RNF145: variants seen among roughly 807,000 people sequenced by gnomAD.
The protein encoded by RNF145 is ring finger protein 145.
A neutral mutation model predicts 57.3 loss-of-function variants in RNF145; 12 were observed. That is an observed-to-expected ratio of 0.21 (90% CI 0.13 to 0.34). RNF145 has a LOEUF of 0.34. Ranked by LOEUF, RNF145 falls within the 10% of genes least tolerant of loss-of-function variation. The probability of loss-of-function intolerance (pLI) is 1.00; values close to 1 mark genes in which losing one functional copy is unlikely to be tolerated. For synonymous variants in RNF145, 262 were observed against 288.3 expected, an observed-to-expected ratio of 0.91 and a Z score of 0.92; for missense variants, 429 against 799.0, an observed-to-expected ratio of 0.54 and a Z score of 5.58.
chr5:159,176,928 A>G, intron 4 of RNF145, 61 bp from the exon 5 acceptor site: 1 of 930,574 alleles, frequency 1.1e-6, no homozygotes, highest in South Asian at 1.6e-5. Context: ...AATAAAAACA[A>G]ACAAAAAACA....
At chr5:159,207,863 C>A (rs375817661) in intron 1 of RNF145, 1 of 1,614,042 alleles carries the variant, frequency 6.2e-7, no homozygotes, top group African/African-American at 1.3e-5. Context: ...ACTTAAGGAA[C>A]AGAGAGAGGA....
chr5:159,189,469 T>C (rs1785208935), intron 3 of RNF145, among the ~76,000 whole-genome samples: 3 of 152,200 alleles, frequency 2.0e-5, no homozygotes, highest in Admixed American at 6.5e-5. Flanking sequence ...GGCAAGAATG[T>C]AGACAAATTG....
intron 6 of RNF145, among the ~76,000 whole-genome samples, chr5:159,171,552 T>G (rs1235335639): frequency 2.6e-5 from 4 of 152,164 alleles, no homozygotes; most frequent in Non-Finnish European, 4.4e-5. Flanking sequence ...GTGAAAGAGT[T>G]TGGAAAATTT....
intron 3 of RNF145, among the ~76,000 whole-genome samples, chr5:159,192,758 G>C (rs564065945): frequency 6.6e-6 from 1 of 152,232 alleles, no homozygotes; most frequent in South Asian, 2.1e-4. Context: ...TCTGGGAAAT[G>C]ACACCCAAGG....
intron 5 of RNF145, among the ~76,000 whole-genome samples, chr5:159,175,915 A>T (rs1377360320): frequency 6.6e-6 from 1 of 152,202 alleles, no homozygotes; most frequent in Non-Finnish European, 1.5e-5. Flanking sequence ...TCTATTTTAT[A>T]TATTACAAAC....
chr5:159,187,268 G>A (rs1785102707), intron 3 of RNF145, among the ~76,000 whole-genome samples: 2 of 151,718 alleles, frequency 1.3e-5, no homozygotes, highest in African/African-American at 4.8e-5. Context: ...GGCAACAAGA[G>A]CAAAACTCCA....
At chr5:159,181,203 G>T (rs1337165295) in intron 4 of RNF145, among the ~76,000 whole-genome samples, 1 of 151,628 alleles carries the variant, frequency 6.6e-6, no homozygotes, top group Non-Finnish European at 1.5e-5. Context: ...GATGTTCCAG[G>T]GTGAGTCAGA....
intron 5 of RNF145, among the ~76,000 whole-genome samples, chr5:159,175,737 T>C (rs1357821475): frequency 6.6e-6 from 1 of 152,112 alleles, no homozygotes; most frequent in Non-Finnish European, 1.5e-5. Flanking sequence ...GCCAAAAGCT[T>C]AGAGAAAGTA....
At chr5:159,191,921 G>A (rs1785302309) in intron 3 of RNF145, among the ~76,000 whole-genome samples, 1 of 151,810 alleles carries the variant, frequency 6.6e-6, no homozygotes, top group Admixed American at 6.6e-5. Flanking sequence ...AACTACTTAG[G>A]TCCCCTTTTT....
chr5:159,194,306 G>A (rs777222765), intron 3 of RNF145, among the ~76,000 whole-genome samples: 24 of 152,148 alleles, frequency 1.6e-4, no homozygotes, highest in Middle Eastern at 3.2e-3. Context: ...CGAGTAGATG[G>A]GATTACAGGC....
intron 2 of RNF145, among the ~76,000 whole-genome samples, chr5:159,201,554 G>A (rs1242582095): frequency 6.6e-6 from 1 of 152,138 alleles, no homozygotes; most frequent in Non-Finnish European, 1.5e-5. Flanking sequence ...CTACTCAAGA[G>A]AGTCTTTAAG....
rs1784490107 is a variant in RNF145 at position 159,169,827 on chromosome 5, A to G, written c.798-8T>C. The G allele has an allele frequency of 6.3e-7, 1 of 1,589,596 alleles. No homozygotes were observed. The highest frequency in any genetic ancestry group is 1.4e-5 in the African/African-American group (1 of 73,008). On this transcript the variant is annotated splice_polypyrimidine_tract_variant and splice_region_variant and intron_variant, in intron 6 of 10. Transcript: ENST00000424310. ...CTGCAGCATTCCGCAATACTGGAAA[A>G]AAAGAGGGGGAAATTAACAGACATA...
At chr5:159,179,327 T>A (rs1041218885) in intron 4 of RNF145, among the ~76,000 whole-genome samples, 1 of 152,162 alleles carries the variant, frequency 6.6e-6, no homozygotes, top group African/African-American at 2.4e-5. Context: ...ATTTGCCTAT[T>A]TCAACTTTTA....
intron 5 of RNF145, among the ~76,000 whole-genome samples, chr5:159,174,865 T>C (rs1475886933): frequency 6.6e-6 from 1 of 152,100 alleles, no homozygotes; most frequent in Non-Finnish European, 1.5e-5. Context: ...TGAAACTGAT[T>C]AGGAAAAATC....
chr5:159,196,528 C>T lies in RNF145; in HGVS notation c.185-1704G>A, dbSNP rs992971092. Among the ~76,000 whole-genome samples the T allele has an allele frequency of 5.3e-5, 8 of 152,252 alleles. No homozygotes were observed. In the East Asian group the frequency reaches 1.3e-3, roughly 26 times the overall value. On this transcript the variant is annotated intron_variant, in intron 2 of 10. Coordinates refer to ENST00000424310, the MANE Select transcript of RNF145 (RefSeq NM_001199383.2). ...AATCTTTATTAAGGCACAGGTACTC[C>T]TACTTATCCCCTATTGCCTCTCTCA... is the stretch of plus-strand genomic sequence containing the variant.
intron 2 of RNF145, among the ~76,000 whole-genome samples, chr5:159,197,552 T>A (rs1359987072): frequency 6.6e-6 from 1 of 152,156 alleles, no homozygotes; most frequent in Non-Finnish European, 1.5e-5. Context: ...TAAGAAAACT[T>A]TGAGAGACAA....
intron 1 of RNF145, among the ~76,000 whole-genome samples, chr5:159,205,589 A>G (rs188511338): frequency 1.3e-3 from 205 of 152,318 alleles, no homozygotes; most frequent in Non-Finnish European, 4.7e-4. Flanking sequence ...CCTCTTGGGA[A>G]TTTATTTCAA....
intron 4 of RNF145, among the ~76,000 whole-genome samples, chr5:159,180,734 A>G (rs1319409244): frequency 6.6e-6 from 1 of 152,164 alleles, no homozygotes; most frequent in Non-Finnish European, 1.5e-5. Flanking sequence ...TTAAAAGTTA[A>G]CAAGATGTAT....
chr5:159,173,113 T>C (rs1400818176), intron 6 of RNF145, among the ~76,000 whole-genome samples: 1 of 152,134 alleles, frequency 6.6e-6, no homozygotes, highest in East Asian at 1.9e-4. Flanking sequence ...CCCCTAAATA[T>C]TAAAAACCGA....
Sources: allele counts gnomAD v4.1 joint callset (sites outside exome capture counted in the v4.1 genomes callset), GRCh38; gene constraint gnomAD v4.1.1; transcripts MANE v1.5; gene names NCBI Gene and HGNC (gene_info 2026-07-23, HGNC 2026-07-21).